ASXL3: variants seen among roughly 807,000 people sequenced by gnomAD.
ASXL3 encodes the protein putative Polycomb group protein ASXL3.
Under a neutral mutation model 170.6 loss-of-function variants are expected in ASXL3, and 34 were observed. That is an observed-to-expected ratio of 0.20 (90% CI 0.15 to 0.27). ASXL3 has a LOEUF of 0.27. Among genes scored for constraint, ASXL3 ranks in the 10% least tolerant of loss-of-function variants. The probability of loss-of-function intolerance (pLI) is 1.00; values close to 1 mark genes in which losing one functional copy is unlikely to be tolerated. For missense variants in ASXL3, 2,592 were observed against 2,695.3 expected (o/e 0.96, Z 0.85); for synonymous variants, 1,002 against 989.1 (o/e 1.01, Z -0.24).
At chr18:33,682,640 G>A (rs914523954) in intron 7 of ASXL3, among the ~76,000 whole-genome samples, 1 of 151,982 alleles carries the variant, frequency 6.6e-6, no homozygotes, top group African/African-American at 2.4e-5. Context: ...CCTACCTCCC[G>A]CGCTTAAGTG....
chr18:33,623,039 C>G (rs2145156106), intron 2 of ASXL3, among the ~76,000 whole-genome samples: 1 of 152,208 alleles, frequency 6.6e-6, no homozygotes, highest in African/African-American at 2.4e-5. Flanking sequence ...CACAGACACT[C>G]CTTATATTTT....
chr18:33,724,147 A>T (rs1418943355), intron 8 of ASXL3, among the ~76,000 whole-genome samples: 1 of 152,072 alleles, frequency 6.6e-6, no homozygotes, highest in African/African-American at 2.4e-5. Context: ...TGTCTTTGTG[A>T]TATGCCTGTA....
In ASXL3 at chr18:33,745,549, C is replaced by T; in HGVS notation, c.5701C>T (p.Leu1901Phe). The T allele has an allele frequency of 6.2e-7, 1 of 1,614,008 alleles. No individual in the cohort carries two copies. Among genetic ancestry groups the T allele is most frequent in the Non-Finnish European group, 8.5e-7 (1 of 1,179,900 alleles). ...SPEVKQQKRL[L>F]PSCSFQQNLF... ...TGAGGTCAAACAGCAAAAGCGGCTG[C>T]TCCCCTCGTGTAGCTTCCAGCAGAA... Residue 1901 changes from leucine (L) to phenylalanine (F), a missense_variant, in exon 12 of 12, where the codon CTC becomes TTC. This residue lies in a region of ASXL3 where 2,246 missense variants were observed against 2,219.6 expected (regional missense o/e 1.01). Transcript: ENST00000269197.
intron 7 of ASXL3, among the ~76,000 whole-genome samples, chr18:33,681,404 A>G (rs1210100050): frequency 6.6e-6 from 1 of 152,162 alleles, no homozygotes; most frequent in Non-Finnish European, 1.5e-5. Flanking sequence ...TCGATTTAGG[A>G]TACCAAAAAC....
chr18:33,713,248 GTTTTTTTT>G (rs1226619353), intron 8 of ASXL3, among the ~76,000 whole-genome samples: 1 of 65,086 alleles, frequency 1.5e-5, no homozygotes, highest in African/African-American at 6.2e-5. Flanking sequence ...GTTTTGTTTT[GTTTTTTTT>G]TTTTTTTTTT....
rs568504492 is a variant in ASXL3 at position 33,744,988 on chromosome 18, A to C, written c.5140A>C (p.Ser1714Arg). 2 of 1,614,006 alleles carry C rather than the reference A, an allele frequency of 1.2e-6. No homozygotes were observed. Among genetic ancestry groups the C allele is most frequent in the South Asian group, 2.2e-5 (2 of 91,088 alleles). ...ACAGAACATGAAAGCTTCCACCTCA[A>C]GTCCCATGGAAGAGGCTATTTCCTT... is the stretch of plus-strand genomic sequence containing the variant. ...QTQNMKASTSSPMEEAISLAT... is the reference protein window; with the variant it reads ...QTQNMKASTSRPMEEAISLAT... Residue 1714 changes from serine to arginine, a missense_variant, in exon 12 of 12, where the codon AGT becomes CGT. By Grantham distance (110) the Ser-to-Arg change is moderately radical. Transcript: ENST00000269197.
At chr18:33,706,829 G>A (rs745557774) in intron 8 of ASXL3, among the ~76,000 whole-genome samples, 1 of 151,780 alleles carries the variant, frequency 6.6e-6, no homozygotes, top group Non-Finnish European at 1.5e-5. Flanking sequence ...TAATTTTAAT[G>A]TACTCCAATT....
chr18:33,597,090 C>T (rs1195388804), intron 1 of ASXL3, among the ~76,000 whole-genome samples: 1 of 152,196 alleles, frequency 6.6e-6, no homozygotes, highest in Non-Finnish European at 1.5e-5. Flanking sequence ...GCTAGGATTA[C>T]AGACGTGACC....
intron 8 of ASXL3, among the ~76,000 whole-genome samples, chr18:33,685,983 A>G (rs571489041): frequency 4.6e-5 from 7 of 152,336 alleles, no homozygotes; most frequent in East Asian, 3.9e-4. Context: ...CATATCAACA[A>G]TGTACTCAAT....
chr18:33,636,701 G>A (rs1240907505), intron 2 of ASXL3, among the ~76,000 whole-genome samples: 59 of 152,106 alleles, frequency 3.9e-4, no homozygotes, highest in Non-Finnish European at 1.3e-4. Context: ...CTGAGGAGAT[G>A]CATTTCATGT....
chr18:33,612,244 A>C (rs994096569), intron 2 of ASXL3, among the ~76,000 whole-genome samples: 1 of 152,034 alleles, frequency 6.6e-6, no homozygotes, highest in Non-Finnish European at 1.5e-5. Flanking sequence ...TTGGGTTGAA[A>C]GCAAGACAAT....
chr18:33,634,891 C>T (rs1228737394), intron 2 of ASXL3, among the ~76,000 whole-genome samples: 1 of 152,078 alleles, frequency 6.6e-6, no homozygotes, highest in East Asian at 1.9e-4. Context: ...GAGCTAGTTG[C>T]CATCAAGCAG....
intron 2 of ASXL3, among the ~76,000 whole-genome samples, chr18:33,628,917 A>G (rs981125958): frequency 1.3e-5 from 2 of 152,076 alleles, no homozygotes; most frequent in Non-Finnish European, 1.5e-5. Flanking sequence ...AGCAGTTTTC[A>G]TTTTTATGTT....
At chr18:33,586,590 T>C (rs2065036878) in intron 1 of ASXL3, among the ~76,000 whole-genome samples, 1 of 152,204 alleles carries the variant, frequency 6.6e-6, no homozygotes, top group African/African-American at 2.4e-5. Flanking sequence ...CACTTGAGTG[T>C]CCCCTTCTCT....
chr18:33,584,495 T>TG (rs1267200856), intron 1 of ASXL3, among the ~76,000 whole-genome samples: 3 of 152,090 alleles, frequency 2.0e-5, no homozygotes, highest in Non-Finnish European at 4.4e-5. Flanking sequence ...TGTACAGTGA[T>TG]GGGGGGTGCA....
chr18:33,611,660 TTC>T (rs2065338520), intron 2 of ASXL3, among the ~76,000 whole-genome samples: 2 of 152,110 alleles, frequency 1.3e-5, no homozygotes, highest in South Asian at 4.1e-4. Flanking sequence ...CTCTTTGGAC[TTC>T]TTAGATAAAC....
At chr18:33,719,167 C>T (rs974863695) in intron 8 of ASXL3, among the ~76,000 whole-genome samples, 2 of 152,050 alleles carry the variant, frequency 1.3e-5, no homozygotes, top group African/African-American at 4.8e-5. Context: ...CACAGTCCTT[C>T]AGCTACCACA....
chr18:33,737,287 A>C (rs2067564675), intron 10 of ASXL3, among the ~76,000 whole-genome samples: 1 of 152,170 alleles, frequency 6.6e-6, no homozygotes, highest in African/African-American at 2.4e-5. Context: ...AGGATTTTTA[A>C]AAAGCAAAGG....
At chr18:33,579,384 T>C (rs2064973990) in intron 1 of ASXL3, among the ~76,000 whole-genome samples, 2 of 152,134 alleles carry the variant, frequency 1.3e-5, no homozygotes, top group African/African-American at 4.8e-5. Context: ...TTTGGTGAAG[T>C]TGGGTCAGTG....
Sources: gnomAD v4.1 joint callset for allele counts (sites outside exome capture counted in the v4.1 genomes callset) on GRCh38, gnomAD v4.1.1 for gene constraint, gnomAD v4.1.1 regional missense constraint, MANE v1.5 for transcripts, NCBI Gene and HGNC (gene_info 2026-07-23, HGNC 2026-07-21) for gene names.